NALF1: variants seen among roughly 807,000 people sequenced by gnomAD.
The protein encoded by NALF1 is NALCN channel auxiliary factor 1.
Under a neutral mutation model 48.4 loss-of-function variants are expected in NALF1, and 3 were observed. The observed-to-expected ratio is 0.06, with a 90% CI of 0.03 to 0.16. The LOEUF is 0.16. Ranked by LOEUF, NALF1 falls within the 10% of genes least tolerant of loss-of-function variation. The pLI is 1.00. For missense variants in NALF1, 526 were observed against 571.5 expected (o/e 0.92, Z 0.81); for synonymous variants, 262 against 245.7 (o/e 1.07, Z -0.62).
At chr13:107,312,550 A>G (rs1882067961) in intron 1 of NALF1, among the ~76,000 whole-genome samples, 1 of 152,188 alleles carries the variant, frequency 6.6e-6, no homozygotes, top group Admixed American at 6.5e-5. Context: ...GTGCACATGT[A>G]CCCTAAAGCT....
intron 1 of NALF1, among the ~76,000 whole-genome samples, chr13:107,355,256 A>G (rs537630457): frequency 1.4e-4 from 22 of 152,234 alleles, no homozygotes; most frequent in African/African-American, 4.3e-4. Flanking sequence ...GTAATCACAC[A>G]CAGTAATAGA....
At chr13:107,819,600 A>C (rs887072194) in intron 1 of NALF1, among the ~76,000 whole-genome samples, 1 of 152,202 alleles carries the variant, frequency 6.6e-6, no homozygotes, top group Admixed American at 6.5e-5. Flanking sequence ...AGCAAGGTCT[A>C]GATTTAAATG....
At chr13:107,854,025 C>T (rs1222953710) in intron 1 of NALF1, among the ~76,000 whole-genome samples, 1 of 152,196 alleles carries the variant, frequency 6.6e-6, no homozygotes, top group East Asian at 1.9e-4. Context: ...ACAGCAAATA[C>T]TCCATTTTCT....
intron 1 of NALF1, among the ~76,000 whole-genome samples, chr13:107,401,086 A>C (rs1480482565): frequency 6.6e-6 from 1 of 152,172 alleles, no homozygotes; most frequent in African/African-American, 2.4e-5. Flanking sequence ...TTAAAATATT[A>C]AATAAAAAAT....
At chr13:107,817,791 C>T (rs942241449) in intron 1 of NALF1, among the ~76,000 whole-genome samples, 12 of 152,164 alleles carry the variant, frequency 7.9e-5, no homozygotes, top group Non-Finnish European at 1.8e-4. Context: ...CTCCAAAGGG[C>T]CCTCTCTTTG....
At chr13:107,618,102 A>T (rs957293144) in intron 1 of NALF1, among the ~76,000 whole-genome samples, 2 of 152,180 alleles carry the variant, frequency 1.3e-5, no homozygotes, top group Non-Finnish European at 2.9e-5. Flanking sequence ...AGTGCTGTGG[A>T]GCATATAAAC....
chr13:107,485,814 T>G (rs763824016), intron 1 of NALF1, among the ~76,000 whole-genome samples: 1 of 152,196 alleles, frequency 6.6e-6, no homozygotes, highest in Admixed American at 6.5e-5. Context: ...AGGGTCTTTG[T>G]TTAGGTGGCT....
intron 1 of NALF1, among the ~76,000 whole-genome samples, chr13:107,807,665 T>C (rs1218522929): frequency 6.6e-6 from 1 of 152,238 alleles, no homozygotes; most frequent in Admixed American, 6.5e-5. Flanking sequence ...TGTTATCTGG[T>C]GAGTTCTAGG....
chr13:107,512,875 T>C (rs565153167), intron 1 of NALF1, among the ~76,000 whole-genome samples: 3 of 152,116 alleles, frequency 2.0e-5, no homozygotes, highest in Non-Finnish European at 4.4e-5. Context: ...TAGTCCTCAA[T>C]CTGGTCCAGT....
At chr13:107,724,337 A>G (rs1876084981) in intron 1 of NALF1, among the ~76,000 whole-genome samples, 1 of 152,350 alleles carries the variant, frequency 6.6e-6, no homozygotes, top group East Asian at 1.9e-4. Context: ...AATACAAAAA[A>G]AAATGATTAA....
chr13:107,170,261 T>C lies in NALF1; in HGVS notation c.*236A>G. 2.3e-6 allele frequency: 1 copy of C among 443,052 alleles called. No homozygotes were observed. The highest frequency in any genetic ancestry group is 4.0e-6 in the Non-Finnish European group (1 of 250,128). The allele number at this position is 443,052 out of a possible 1,614,324, so 27.4% of individuals were successfully genotyped here. A position where few individuals can be genotyped will look rare whatever the true frequency, so the allele number is the denominator to read the frequency against. On this transcript the variant is annotated 3_prime_UTR_variant, in exon 3 of 3. Transcript: ENST00000375915. ...GAAAGCAAATAAAACCTCCAAACAT[T>C]AAAACACAGTGTATAAAATGGTGTG...
intron 1 of NALF1, among the ~76,000 whole-genome samples, chr13:107,669,681 C>T (rs1458705684): frequency 1.3e-5 from 2 of 152,058 alleles, no homozygotes; most frequent in Non-Finnish European, 2.9e-5. Context: ...TTCCTTATTT[C>T]AATAGTGTTT....
chr13:107,349,752 A>AG (rs1241741412), intron 1 of NALF1, among the ~76,000 whole-genome samples: 3 of 151,678 alleles, frequency 2.0e-5, no homozygotes, highest in Non-Finnish European at 4.4e-5. Flanking sequence ...AAAAAAAAAA[A>AG]AAAGAAACTG....
intron 1 of NALF1, among the ~76,000 whole-genome samples, chr13:107,405,708 G>A (rs1223273926): frequency 1.3e-5 from 2 of 151,984 alleles, no homozygotes; most frequent in Admixed American, 6.6e-5. Flanking sequence ...AGGAAGGAAT[G>A]AGGTCCACAA....
chr13:107,486,947 G>A (rs2139065764), intron 1 of NALF1, among the ~76,000 whole-genome samples: 1 of 152,230 alleles, frequency 6.6e-6, no homozygotes, highest in East Asian at 1.9e-4. Flanking sequence ...AGTCCATAAA[G>A]ATTCTGAAAC....
intron 1 of NALF1, among the ~76,000 whole-genome samples, chr13:107,446,909 A>G (rs1304153675): frequency 6.6e-6 from 1 of 152,262 alleles, no homozygotes; most frequent in Admixed American, 6.5e-5. Context: ...TATTAAGCCA[A>G]TAGATACATG....
At chr13:107,198,555 C>T (rs538879462) in intron 2 of NALF1, among the ~76,000 whole-genome samples, 1 of 152,336 alleles carries the variant, frequency 6.6e-6, no homozygotes, top group Admixed American at 6.5e-5. Context: ...AATTCGCCTT[C>T]ATACAAGAGT....
chr13:107,269,103 C>T (rs1430100818), intron 1 of NALF1, among the ~76,000 whole-genome samples: 5 of 150,804 alleles, frequency 3.3e-5, no homozygotes, highest in African/African-American at 4.9e-5. Flanking sequence ...GTCCAGATTG[C>T]AGTAAGCTAT....
At chr13:107,235,430 C>G (rs1880321655) in intron 1 of NALF1, among the ~76,000 whole-genome samples, 1 of 152,108 alleles carries the variant, frequency 6.6e-6, no homozygotes, top group South Asian at 2.1e-4. Context: ...AGTTTCAGGA[C>G]ACTGAAAGGA....
Sources: gnomAD v4.1 joint callset for allele counts (sites outside exome capture counted in the v4.1 genomes callset) on GRCh38, gnomAD v4.1.1 for gene constraint, MANE v1.5 for transcripts, NCBI Gene and HGNC (gene_info 2026-07-23, HGNC 2026-07-21) for gene names.